The following CHORDC1 variants were observed in gnomAD, a reference collection of about 807,000 sequenced individuals.
CHORDC1 encodes the protein cysteine and histidine rich domain containing 1, also known as cysteine and histidine-rich domain-containing protein 1.
A neutral mutation model predicts 48.3 loss-of-function variants in CHORDC1; 25 were observed. The observed-to-expected ratio is 0.52, with a 90% CI of 0.38 to 0.72. The LOEUF (loss-of-function observed/expected upper bound fraction) is 0.72. Ranked by LOEUF, CHORDC1 falls within the 30% of genes least tolerant of loss-of-function variation. The probability of loss-of-function intolerance (pLI) is 0.00; values close to 1 mark genes in which losing one functional copy is unlikely to be tolerated. For missense variants in CHORDC1, 317 were observed against 388.7 expected (o/e 0.82, Z 1.55); for synonymous variants, 128 against 126.4 (o/e 1.01, Z -0.09).
At chr11:90,205,052 G>A (rs1161723214) in intron 8 of CHORDC1, among the ~76,000 whole-genome samples, 1 of 152,006 alleles carries the variant, frequency 6.6e-6, no homozygotes, top group Admixed American at 6.6e-5. Flanking sequence ...GAGTGTTTGT[G>A]CATCTGTAAA....
intron 1 of CHORDC1, among the ~76,000 whole-genome samples, chr11:90,218,763 G>A (rs1858082738): frequency 6.6e-6 from 1 of 151,686 alleles, no homozygotes; most frequent in Non-Finnish European, 1.5e-5. Flanking sequence ...GGGAAGTGAG[G>A]AGCTCCTCTG....
chr11:90,202,604 A>G, intron 10 of CHORDC1, 53 bp from the exon 11 acceptor site: 1 of 1,576,700 alleles, frequency 6.3e-7, no homozygotes, highest in Non-Finnish European at 8.7e-7. Context: ...TATTAGTCTC[A>G]GAGGAAAACA....
chr11:90,216,360 G>A lies in CHORDC1; in HGVS notation c.115-1130C>T, dbSNP rs1267070795. On this transcript the variant is annotated intron_variant, in intron 2 of 10. Coordinates refer to ENST00000320585, the MANE Select transcript of CHORDC1 (RefSeq NM_012124.3). Reference sequence around the variant, plus strand: ...TAAATTTAAGTTATGTGAATATAAGGTTGCTAGTTGTCTTTTTTCAGCAAG... The same window carrying A: ...TAAATTTAAGTTATGTGAATATAAGATTGCTAGTTGTCTTTTTTCAGCAAG... 7 of 244,740 alleles carry A rather than the reference G, an allele frequency of 2.9e-5. No individual in the cohort carries two copies. The Admixed American group carries it at 3.5e-4, about 12-fold the overall frequency. The allele number at this position is 244,740 out of a possible 1,614,324, so 15.2% of individuals were successfully genotyped here. A position where few individuals can be genotyped will look rare whatever the true frequency, so the allele number is the denominator to read the frequency against.
chr11:90,222,666 G>A (rs1858202526), intron 1 of CHORDC1: 1 of 693,154 alleles, frequency 1.4e-6, no homozygotes, highest in African/African-American at 1.8e-5. Flanking sequence ...CTCCGCAGTG[G>A]CAGAGGACAG....
chr11:90,205,382 A>G, intron 8 of CHORDC1, 78 bp downstream of exon 8: 1 of 941,504 alleles, frequency 1.1e-6, no homozygotes, highest in Non-Finnish European at 1.7e-6. Flanking sequence ...AAATCTAAAG[A>G]CAGAATAATT....
intron 2 of CHORDC1, among the ~76,000 whole-genome samples, chr11:90,216,300 T>C (rs1858010577): frequency 6.6e-6 from 1 of 152,204 alleles, no homozygotes; most frequent in African/African-American, 2.4e-5. Context: ...ATCTGGATTC[T>C]ATGCTAGTCT....
At chr11:90,208,530 C>A (rs1375844030) in intron 6 of CHORDC1, 1 of 151,820 alleles carries the variant, frequency 6.6e-6, no homozygotes, top group East Asian at 1.9e-4. Context: ...TAATGACATA[C>A]CTTAAAGAAA....
intron 6 of CHORDC1, chr11:90,207,656 G>A (rs1280369868): frequency 6.7e-6 from 1 of 149,814 alleles, no homozygotes; most frequent in African/African-American, 2.5e-5. Flanking sequence ...CTTCACAAGA[G>A]GATATACAAA....
intron 10 of CHORDC1, 73 bp downstream of exon 10, chr11:90,202,739 TG>T: frequency 1.3e-6 from 2 of 1,494,140 alleles, no homozygotes; most frequent in Non-Finnish European, 1.8e-6. Flanking sequence ...CAATGTTTAC[TG>T]AAGAATTGTC....
At chr11:90,214,529 T>C (rs1247237221) in intron 3 of CHORDC1, among the ~76,000 whole-genome samples, 1 of 131,984 alleles carries the variant, frequency 7.6e-6, no homozygotes, top group African/African-American at 2.6e-5. Context: ...TGAGACCTAG[T>C]TCTCAACATA....
chr11:90,210,920 AC>A (rs1857843127), intron 5 of CHORDC1: 2 of 315,740 alleles, frequency 6.3e-6, no homozygotes, highest in East Asian at 1.3e-4. Flanking sequence ...TGTATAATGT[AC>A]AAGAAAACAT....
Position 90,222,873 on chromosome 11 carries a change from G to C in CHORDC1, c.64+18C>G. 6.2e-7 allele frequency: 1 copy of C among 1,611,900 alleles called. No homozygotes were observed. Among genetic ancestry groups the C allele is most frequent in the South Asian group, 1.1e-5 (1 of 90,876 alleles). On this transcript the variant is annotated intron_variant, in intron 1 of 10. Transcript: ENST00000320585. ...ATGAGGTGGAGGGGAGGGAGGGCTG[G>C]CGGCGCGTTCCTCTTACCGTCGGAA...
At chr11:90,203,195 T>C in intron 9 of CHORDC1, 113 bp downstream of exon 9, 1 of 1,036,886 alleles carries the variant, frequency 9.6e-7, no homozygotes, top group Admixed American at 2.4e-5. Flanking sequence ...TGGGAGTCAT[T>C]ATAAAATCTT....
chr11:90,209,074 T>TGATCTTCCTC, intron 6 of CHORDC1: 1 of 152,316 alleles, frequency 6.6e-6, no homozygotes, highest in East Asian at 1.9e-4. Context: ...ACCTTCTCCT[T>TGATCTTCCTC]GATCTTCCTC....
intron 6 of CHORDC1, chr11:90,208,366 G>GT (rs1375501656): frequency 6.6e-6 from 1 of 152,172 alleles, no homozygotes; most frequent in African/African-American, 2.4e-5. Context: ...GGAGGCGGAG[G>GT]TTGTAGTGAG....
chr11:90,215,428 A>G (rs1293611498), intron 2 of CHORDC1, among the ~76,000 whole-genome samples, 198 bp from the exon 3 acceptor site: 1 of 152,040 alleles, frequency 6.6e-6, no homozygotes, highest in African/African-American at 2.4e-5. Flanking sequence ...CAATTAACCA[A>G]TGTTAAAGTG....
At chr11:90,213,083 A>G (rs1381448248) in intron 4 of CHORDC1, 2 of 242,746 alleles carry the variant, frequency 8.2e-6, no homozygotes, top group African/African-American at 4.5e-5. Flanking sequence ...AAACTGGCCA[A>G]AGCATTCAAT....
At chr11:90,211,140 C>G in intron 5 of CHORDC1, 75 bp downstream of exon 5, 3 of 999,666 alleles carry the variant, frequency 3.0e-6, no homozygotes, top group Non-Finnish European at 4.6e-6. Flanking sequence ...ATGCAGTAAA[C>G]TACTATTCTC....
In CHORDC1 at chr11:90,201,008, G is replaced by T. The variant is rs770101539; in HGVS notation, c.*1397C>A. On this transcript the variant is annotated 3_prime_UTR_variant, in exon 11 of 11. Coordinates refer to ENST00000320585, the MANE Select transcript of CHORDC1 (RefSeq NM_012124.3). ...GTCATGGTAATGTAACATCATGAAA[G>T]TCTGGTTGCCAGATCTTTATGTTTT... Among the ~76,000 whole-genome samples the T allele has an allele frequency of 1.3e-5, 2 of 151,930 alleles. No homozygotes were observed. The highest frequency in any genetic ancestry group is 2.9e-5 in the Non-Finnish European group (2 of 67,858).
Sources: gnomAD v4.1 joint callset for allele counts (sites outside exome capture counted in the v4.1 genomes callset) on GRCh38, gnomAD v4.1.1 for gene constraint, MANE v1.5 for transcripts, NCBI Gene and HGNC (gene_info 2026-07-23, HGNC 2026-07-21) for gene names.